Variants in IFI16 observed in about 807,000 individuals in gnomAD.
The protein encoded by IFI16 is interferon gamma inducible protein 16.
A neutral mutation model predicts 68.4 loss-of-function variants in IFI16; 49 were observed. That is an observed-to-expected ratio of 0.72 (90% CI 0.57 to 0.91). IFI16 has a LOEUF of 0.91. Ranked by LOEUF, IFI16 falls within the 40% of genes least tolerant of loss-of-function variation. The pLI is 0.00. For synonymous variants in IFI16, 307 were observed against 315.0 expected, an observed-to-expected ratio of 0.97 and a Z score of 0.27; for missense variants, 878 against 942.9, an observed-to-expected ratio of 0.93 and a Z score of 0.90.
At chr1:159,024,008 A>G (rs1653496886) in intron 6 of IFI16, among the ~76,000 whole-genome samples, 2 of 152,250 alleles carry the variant, frequency 1.3e-5, no homozygotes, top group Non-Finnish European at 2.9e-5. Flanking sequence ...GAGAGCCACC[A>G]TATGTCCATT....
At chr1:159,034,486 A>G (rs1279132615) in intron 7 of IFI16, among the ~76,000 whole-genome samples, 1 of 152,204 alleles carries the variant, frequency 6.6e-6, no homozygotes, top group Non-Finnish European at 1.5e-5. Flanking sequence ...CTTTATTCCA[A>G]TTACCTTTCA....
intron 9 of IFI16, among the ~76,000 whole-genome samples, chr1:159,051,302 A>G (rs981947885): frequency 2.0e-5 from 3 of 152,110 alleles, no homozygotes; most frequent in Admixed American, 1.3e-4. Flanking sequence ...GGTAGAAAGG[A>G]GTAAAACTGA....
intron 6 of IFI16, among the ~76,000 whole-genome samples, chr1:159,024,567 G>T (rs1228017383): frequency 6.6e-6 from 1 of 152,192 alleles, no homozygotes; most frequent in East Asian, 1.9e-4. Flanking sequence ...CTACAAGGTT[G>T]CCAGGCTGTA....
chr1:159,043,788 T>C (rs1190204178), intron 7 of IFI16, among the ~76,000 whole-genome samples: 1 of 152,240 alleles, frequency 6.6e-6, no homozygotes, highest in Non-Finnish European at 1.5e-5. Flanking sequence ...TTTAAAATAT[T>C]ATTCAAACAA....
chr1:159,016,054 C>T, intron 3 of IFI16, 67 bp downstream of exon 3: 1 of 958,870 alleles, frequency 1.0e-6, no homozygotes, highest in Non-Finnish European at 1.7e-6. Flanking sequence ...CTCTTCCACT[C>T]AATCTCTCCA....
At chr1:159,035,491 G>C (rs1377850736) in intron 7 of IFI16, among the ~76,000 whole-genome samples, 1 of 152,200 alleles carries the variant, frequency 6.6e-6, no homozygotes, top group African/African-American at 2.4e-5. Flanking sequence ...TGATTGTGCT[G>C]TATGTGAACT....
chr1:159,004,005 TA>T (rs1325808367), upstream of IFI16, among the ~76,000 whole-genome samples: 4 of 152,198 alleles, frequency 2.6e-5, no homozygotes, highest in African/African-American at 7.2e-5. Flanking sequence ...CTTGATACCT[TA>T]AACATTCAAA....
At chr1:159,043,423 G>C (rs1167152067) in intron 7 of IFI16, among the ~76,000 whole-genome samples, 5 of 152,176 alleles carry the variant, frequency 3.3e-5, no homozygotes, top group African/African-American at 1.2e-4. Context: ...TCATTCTGCT[G>C]CTCTGAAAGC....
At chr1:159,007,332 G>A (rs576068883), upstream of IFI16, among the ~76,000 whole-genome samples, 1 of 152,352 alleles carries the variant, frequency 6.6e-6, no homozygotes, top group East Asian at 1.9e-4. Context: ...TTGTTAAGTG[G>A]AGAATCTGTA....
At chr1:159,026,347 G>A (rs913940069) in intron 6 of IFI16, among the ~76,000 whole-genome samples, 32 of 150,824 alleles carry the variant, frequency 2.1e-4, no homozygotes, top group African/African-American at 7.6e-4. Context: ...CCCCAGGCCT[G>A]GAGTGCAATG....
In IFI16 at chr1:159,032,737, T is replaced by C. The variant is rs569393057; in HGVS notation, c.1329+46T>C. 11 of 1,466,522 alleles carry C rather than the reference T, an allele frequency of 7.5e-6. No individual in the cohort carries two copies. In the African/African-American group the frequency reaches 1.4e-4, roughly 19 times the overall value. The allele number at this position is 1,466,522 out of a possible 1,614,324, so 90.8% of individuals were successfully genotyped here. A position where few individuals can be genotyped will look rare whatever the true frequency, so the allele number is the denominator to read the frequency against. Reference sequence around the variant, plus strand: ...TGCCTCATGTCTCCCCACCATAATTTACAGGGATCATTAGACTGTTGAAAG... The same window carrying C: ...TGCCTCATGTCTCCCCACCATAATTCACAGGGATCATTAGACTGTTGAAAG... On this transcript the variant is annotated intron_variant, in intron 7 of 11. Transcript: ENST00000295809.
intron 7 of IFI16, among the ~76,000 whole-genome samples, chr1:159,043,882 C>G (rs1276462064): frequency 6.6e-6 from 1 of 152,284 alleles, no homozygotes; most frequent in African/African-American, 2.4e-5. Context: ...TATCTCAAGA[C>G]AATCTTGTCA....
At chr1:159,037,589 C>G (rs967550329) in intron 7 of IFI16, among the ~76,000 whole-genome samples, 9 of 152,100 alleles carry the variant, frequency 5.9e-5, no homozygotes, top group African/African-American at 2.2e-4. Context: ...AAACAATCAG[C>G]TACTATATTA....
At position 159,018,222 on chromosome 1, in the gene IFI16, T is replaced by C. The variant is rs1383490383; in HGVS notation, c.550-7T>C. ...TTTTCTTTGTTCTCCTGTGCTATCA[T>C]ACACAGAACCCGAAAACAGTGGCCA... On this transcript the variant is annotated splice_polypyrimidine_tract_variant and splice_region_variant and intron_variant, in intron 4 of 11. Transcript: ENST00000295809. 2 of 1,611,636 alleles carry C rather than the reference T, an allele frequency of 1.2e-6. No individual in the cohort carries two copies. Among genetic ancestry groups the C allele is most frequent in the Non-Finnish European group, 1.7e-6 (2 of 1,178,564 alleles).
chr1:159,013,845 T>C (rs1441362223), intron 1 of IFI16, among the ~76,000 whole-genome samples: 2 of 152,206 alleles, frequency 1.3e-5, no homozygotes, highest in African/African-American at 4.8e-5. Context: ...ATGCAGCTTA[T>C]TCAACACTTT....
chr1:159,020,817 A>G (rs1475679494), intron 6 of IFI16, among the ~76,000 whole-genome samples: 2 of 150,706 alleles, frequency 1.3e-5, no homozygotes, highest in Admixed American at 1.3e-4. Flanking sequence ...TTAAAATTAC[A>G]TGTTCTCCAT....
At chr1:159,023,130 C>T (rs1653439658) in intron 6 of IFI16, among the ~76,000 whole-genome samples, 2 of 151,872 alleles carry the variant, frequency 1.3e-5, no homozygotes, top group South Asian at 2.1e-4. Context: ...TTTTTTTATC[C>T]GCTGAACCAA....
chr1:159,046,340 G>A (rs1365540661), intron 8 of IFI16, among the ~76,000 whole-genome samples: 1 of 151,070 alleles, frequency 6.6e-6, no homozygotes, highest in African/African-American at 2.4e-5. Flanking sequence ...CATTGGGAAC[G>A]GGTTTCCTAA....
At chr1:159,039,708 G>A (rs1654511745) in intron 7 of IFI16, among the ~76,000 whole-genome samples, 1 of 152,094 alleles carries the variant, frequency 6.6e-6, no homozygotes, top group African/African-American at 2.4e-5. Context: ...AGAACCTGGA[G>A]GCCAGAATCA....
Sources: gnomAD v4.1 joint callset for allele counts (sites outside exome capture counted in the v4.1 genomes callset) on GRCh38, gnomAD v4.1.1 for gene constraint, MANE v1.5 for transcripts, NCBI Gene and HGNC (gene_info 2026-07-23, HGNC 2026-07-21) for gene names.